Variants in CRACD observed in about 807,000 individuals in gnomAD.
CRACD encodes the protein capping protein inhibiting regulator of actin dynamics, also known as capping protein-inhibiting regulator of actin dynamics.
Under a neutral mutation model 106.8 loss-of-function variants are expected in CRACD, and 56 were observed. The ratio of observed to expected loss-of-function variants is 0.52; its 90% confidence interval spans 0.42 to 0.66. The LOEUF is 0.66. CRACD is among the 30% of genes least tolerant of loss of function. CRACD has a pLI of 0.00. For synonymous variants in CRACD, 754 were observed against 670.8 expected (o/e 1.12, Z -1.92); for missense variants, 1,730 against 1,623.2 (o/e 1.07, Z -1.13).
intron 8 of CRACD, among the ~76,000 whole-genome samples, chr4:56,319,946 G>T (rs1745961118): frequency 6.6e-6 from 1 of 152,146 alleles, no homozygotes. Context: ...GCCAAGGCGG[G>T]CAGATCACTT....
In CRACD at chr4:56,293,598, C is replaced by T. The variant is rs526905; in HGVS notation, c.-16-4616C>T. Among the ~76,000 whole-genome samples, 1,436 of 152,234 alleles carry T rather than the reference C, an allele frequency of 9.4e-3. 26 individuals carry two copies. The highest frequency in any genetic ancestry group is 0.033 in the African/African-American group (1,381 of 41,524). On this transcript the variant is annotated intron_variant, in intron 3 of 10. Coordinates refer to ENST00000682029, the MANE Select transcript of CRACD (RefSeq NM_001393381.1). ...TAGTGGCTTCCACTTCTAAGGAGGC[C>T]TCAAGAAGCTTCCAATCATGGCAGA...
intron 3 of CRACD, among the ~76,000 whole-genome samples, chr4:56,294,026 G>T (rs895694115): frequency 2.0e-5 from 3 of 152,082 alleles, no homozygotes; most frequent in African/African-American, 7.2e-5. Context: ...AGGAGTTCCA[G>T]ACCAGACTAG....
At chr4:56,087,460 C>T (rs1015768428) in intron 1 of CRACD, among the ~76,000 whole-genome samples, 3 of 152,192 alleles carry the variant, frequency 2.0e-5, no homozygotes, top group Non-Finnish European at 4.4e-5. Context: ...CTTCCTCTCG[C>T]TTCTGTCTGC....
intron 2 of CRACD, among the ~76,000 whole-genome samples, chr4:56,193,564 T>C (rs1374361163): frequency 6.6e-6 from 1 of 152,208 alleles, no homozygotes; most frequent in Non-Finnish European, 1.5e-5. Context: ...CAGCATATAA[T>C]TTTCCCTAAA....
rs369811716 is a variant in CRACD at position 56,098,522 on chromosome 4, CTG to C, written c.-336+49225_-336+49226del. On this transcript the variant is annotated intron_variant, in intron 1 of 10. Coordinates refer to ENST00000682029, the MANE Select transcript of CRACD (RefSeq NM_001393381.1). ...TTACTGAAGGTTTTTCTGATGTACT[CTG>C]TAAGAGTAATTTTAGTTGTCACAGA... 7.1e-4 allele frequency among the ~76,000 whole-genome samples: 108 copies of C among 152,268 alleles called. 1 individual carries two copies. The East Asian group carries it at 0.01, about 15-fold the overall frequency.
chr4:56,109,402 A>G (rs1286239352), intron 1 of CRACD, among the ~76,000 whole-genome samples: 1 of 152,138 alleles, frequency 6.6e-6, no homozygotes, highest in African/African-American at 2.4e-5. Context: ...CTCGGCACCT[A>G]GGTAATCCTT....
intron 3 of CRACD, among the ~76,000 whole-genome samples, chr4:56,283,188 C>G (rs1406607805): frequency 6.6e-6 from 1 of 152,112 alleles, no homozygotes; most frequent in Non-Finnish European, 1.5e-5. Flanking sequence ...AACCTTTGCT[C>G]TCAGGCAGCA....
At chr4:56,154,027 G>A (rs544270042) in intron 1 of CRACD, among the ~76,000 whole-genome samples, 12 of 152,192 alleles carry the variant, frequency 7.9e-5, no homozygotes, top group Non-Finnish European at 1.8e-4. Flanking sequence ...TAGAATAGCA[G>A]CTTGGACTAG....
intron 1 of CRACD, among the ~76,000 whole-genome samples, chr4:56,126,036 T>C (rs951034656): frequency 6.6e-6 from 1 of 152,136 alleles, no homozygotes; most frequent in Admixed American, 6.6e-5. Context: ...CCTCCCAAAA[T>C]GCTGAGTGGC....
chr4:56,287,588 CTAATTTTTTATTATTTTT>C (rs1743446309), intron 3 of CRACD, among the ~76,000 whole-genome samples: 1 of 152,000 alleles, frequency 6.6e-6, no homozygotes, highest in Non-Finnish European at 1.5e-5. Flanking sequence ...GCGAACCTGG[CTAATTTTTTATTATTTTT>C]TGTAGAGATG....
At chr4:56,087,601 C>T (rs1041704546) in intron 1 of CRACD, among the ~76,000 whole-genome samples, 3 of 152,160 alleles carry the variant, frequency 2.0e-5, no homozygotes, top group African/African-American at 4.8e-5. Flanking sequence ...GGCTCTGTCA[C>T]CTCTATGCTT....
At chr4:56,218,358 T>A (rs1262807050) in intron 2 of CRACD, among the ~76,000 whole-genome samples, 1 of 151,938 alleles carries the variant, frequency 6.6e-6, no homozygotes, top group Non-Finnish European at 1.5e-5. Context: ...GCAGTCCTCC[T>A]GCTTTGGCCT....
intron 1 of CRACD, among the ~76,000 whole-genome samples, chr4:56,171,042 A>G (rs1736340753): frequency 6.6e-6 from 1 of 152,198 alleles, no homozygotes; most frequent in South Asian, 2.1e-4. Flanking sequence ...GAAATAACAG[A>G]TTAAAGGGAC....
intron 1 of CRACD, among the ~76,000 whole-genome samples, chr4:56,071,667 G>A (rs1288706078): frequency 4.6e-5 from 7 of 151,898 alleles, no homozygotes; most frequent in Non-Finnish European, 7.4e-5. Context: ...GTGCCACCAC[G>A]TCCGGCTAAT....
At chr4:56,050,196 A>G (rs1440162614) in intron 1 of CRACD, among the ~76,000 whole-genome samples, 1 of 151,882 alleles carries the variant, frequency 6.6e-6, no homozygotes, top group Non-Finnish European at 1.5e-5. Context: ...AAACCTAGTA[A>G]GTACGACCAT....
intron 1 of CRACD, among the ~76,000 whole-genome samples, chr4:56,166,806 G>A (rs1736173952): frequency 6.6e-6 from 1 of 151,856 alleles, no homozygotes; most frequent in Admixed American, 6.6e-5. Context: ...AAGGAAGAAT[G>A]CAACATTGCA....
At chr4:56,104,817 A>C (rs1733890554) in intron 1 of CRACD, among the ~76,000 whole-genome samples, 1 of 152,108 alleles carries the variant, frequency 6.6e-6, no homozygotes, top group Admixed American at 6.5e-5. Flanking sequence ...AATACAAAAA[A>C]TTAGCTGGGC....
chr4:56,233,308 T>A (rs931697767), intron 2 of CRACD, among the ~76,000 whole-genome samples: 2 of 152,136 alleles, frequency 1.3e-5, no homozygotes, highest in Non-Finnish European at 2.9e-5. Context: ...AGACAGGGCC[T>A]TGCTATATTT....
rs555433450 is a variant in CRACD at position 56,184,132 on chromosome 4, G to A, written c.-189+4702G>A. On this transcript the variant is annotated intron_variant, in intron 2 of 10. Coordinates refer to ENST00000682029, the MANE Select transcript of CRACD (RefSeq NM_001393381.1). ...GTCGCCCAGGCTGGAGTGCAGTGGCGCGATCTCAGCTCACGGCAACCCCCG... is the reference window on the plus strand; with the variant it reads ...GTCGCCCAGGCTGGAGTGCAGTGGCACGATCTCAGCTCACGGCAACCCCCG... Among the ~76,000 whole-genome samples, 4 of 152,158 alleles carry A rather than the reference G, an allele frequency of 2.6e-5. No homozygotes were observed. The South Asian group carries it at 8.3e-4, about 32-fold the overall frequency.
Sources: allele counts gnomAD v4.1 joint callset (sites outside exome capture counted in the v4.1 genomes callset), GRCh38; gene constraint gnomAD v4.1.1; transcripts MANE v1.5; gene names NCBI Gene and HGNC (gene_info 2026-07-23, HGNC 2026-07-21).